NPHP4: variants seen among roughly 807,000 people sequenced by gnomAD.
NPHP4 encodes nephrocystin 4.
A neutral mutation model predicts 155.8 loss-of-function variants in NPHP4; 151 were observed. The observed-to-expected ratio is 0.97, with a 90% CI of 0.85 to 1.11. NPHP4 has a LOEUF of 1.11. Ranked by LOEUF, NPHP4 falls within the 50% of genes least tolerant of loss-of-function variation. The pLI, the probability that NPHP4 is intolerant of heterozygous loss-of-function variation, is 0.00. For missense variants in NPHP4, 1,956 were observed against 1,925.7 expected (o/e 1.02, Z -0.29); for synonymous variants, 845 against 816.8 (o/e 1.03, Z -0.59).
chr1:5,916,580 G>A (rs1179699096), intron 11 of NPHP4, among the ~76,000 whole-genome samples: 1 of 152,222 alleles, frequency 6.6e-6, no homozygotes, highest in African/African-American at 2.4e-5. Context: ...AGATTATGCT[G>A]CTACAGCTCA....
chr1:5,952,928 G>A (rs1046495858), intron 6 of NPHP4, 92 bp from the exon 7 acceptor site: 27 of 1,246,874 alleles, frequency 2.2e-5, no homozygotes, highest in Admixed American at 1.2e-4. Context: ...AGCCTCAGCC[G>A]GGGCCTGCAG....
At chr1:5,873,440 C>T (rs1053848480) in intron 22 of NPHP4, 105 bp from the exon 23 acceptor site, 1 of 847,260 alleles carries the variant, frequency 1.2e-6, no homozygotes. Flanking sequence ...CCACCAGCCT[C>T]CTCTCACACT....
rs146338925 is a variant in NPHP4, at chr1:5,912,754, C to G, written c.1442-3541G>C. Among the ~76,000 whole-genome samples the G allele has an allele frequency of 9.0e-4, 135 of 149,660 alleles. 1 individual carries two copies. In the East Asian group the frequency reaches 0.022, roughly 24 times the overall value. On this transcript the variant is annotated intron_variant, in intron 11 of 29. Transcript: ENST00000378156. ...TCCCTGATGGAGCCTGAAGTAGTAA[C>G]ACAGTCAGCACAGAATGGAAAGCTG...
At chr1:5,973,100 G>T (rs1280438973) in intron 3 of NPHP4, among the ~76,000 whole-genome samples, 2 of 152,184 alleles carry the variant, frequency 1.3e-5, no homozygotes, top group African/African-American at 2.4e-5. Context: ...GGCCAGGCTG[G>T]TCTCAAATTC....
intron 9 of NPHP4, among the ~76,000 whole-genome samples, chr1:5,941,289 C>CAAAAAAAAAAACAAAAA (rs1646800738): frequency 2.2e-5 from 1 of 44,778 alleles, no homozygotes; most frequent in Non-Finnish European, 3.7e-5. Flanking sequence ...GAGATCTAGA[C>CAAAAAAAAAAACAAAAA]AAAAAAAAAA....
chr1:5,864,159 G>T, intron 28 of NPHP4, 126 bp from the exon 29 acceptor site: 1 of 1,176,254 alleles, frequency 8.5e-7, no homozygotes, highest in Non-Finnish European at 1.2e-6. Flanking sequence ...TAAGACAGAC[G>T]CTCTCTGGAG....
chr1:5,907,381 C>A (rs929003182), intron 12 of NPHP4, among the ~76,000 whole-genome samples, 159 bp from the exon 13 acceptor site: 1 of 152,220 alleles, frequency 6.6e-6, no homozygotes, highest in Non-Finnish European at 1.5e-5. Flanking sequence ...AGCTCTGGAA[C>A]CTGGGACCGC....
rs371151779 is a variant in NPHP4, at chr1:5,890,828, C to T, written c.2304+40G>A. ...GAAGCGTGACTCGTCCCATGAGGGA[C>T]GCAGCACCCACTGTGCCTGTCCTTC... On this transcript the variant is annotated intron_variant, in intron 17 of 29. Coordinates refer to ENST00000378156, the MANE Select transcript of NPHP4 (RefSeq NM_015102.5). This position sits in a 1 kb window ranked among gnomAD's most constrained non-coding sequence, Gnocchi z 4.9. The T allele has an allele frequency of 4.1e-5, 65 of 1,581,338 alleles. No individual in the cohort carries two copies. The highest frequency in any genetic ancestry group is 9.1e-5 in the South Asian group (8 of 88,284).
At position 5,864,536 on chromosome 1, in the gene NPHP4, C is replaced by T. The variant is rs1478156615; in HGVS notation, c.3817-19G>A. ...GGTCTGTCTTCAAGAGCGAGAGAGG[C>T]GGGTCAGAGCACAGCCTCTCAGGAT... On this transcript the variant is annotated intron_variant, in intron 27 of 29. Transcript: ENST00000378156. The T allele has an allele frequency of 5.3e-6, 8 of 1,507,976 alleles. No individual in the cohort carries two copies. The highest frequency in any genetic ancestry group is 3.9e-5 in the South Asian group (3 of 77,598). 93.4% of individuals were successfully genotyped at this position (1,507,976 alleles called of 1,614,324 possible).
chr1:5,964,915 TATTATATATATA>T (rs1301876283), intron 5 of NPHP4, among the ~76,000 whole-genome samples: 9 of 87,794 alleles, frequency 1.0e-4, no homozygotes, highest in Non-Finnish European at 1.5e-4. Context: ...AATACATATA[TATTATATATATA>T]TATATATATA....
At chr1:5,929,282 C>A (rs188356857) in intron 10 of NPHP4, among the ~76,000 whole-genome samples, 1 of 152,114 alleles carries the variant, frequency 6.6e-6, no homozygotes, top group Non-Finnish European at 1.5e-5. Flanking sequence ...ATGTGTAGGT[C>A]TTTTGTTTTC....
intron 20 of NPHP4, among the ~76,000 whole-genome samples, chr1:5,875,395 G>A (rs552509591): frequency 2.0e-4 from 30 of 152,278 alleles, no homozygotes; most frequent in Non-Finnish European, 4.0e-4. Flanking sequence ...CTGGCCCCCC[G>A]CACGGTGGAG....
rs369039982 is a variant in NPHP4, at chr1:5,878,849, G to A, written c.2611+1265C>T. Among the ~76,000 whole-genome samples, 114 of 152,236 alleles carry A rather than the reference G, an allele frequency of 7.5e-4. 4 individuals are homozygous for A. In the South Asian group the frequency reaches 0.022, roughly 29 times the overall value. On this transcript the variant is annotated intron_variant, in intron 19 of 29. Transcript: ENST00000378156. The stretch of plus-strand genomic sequence containing the variant: ...CTCTCTAAGGAGCTGGCTCTCCACC[G>A]TACTCTAGGTGGTCTGTGGGACCAG...
chr1:5,978,894 T>G (rs72859167), intron 2 of NPHP4, among the ~76,000 whole-genome samples: 2 of 152,218 alleles, frequency 1.3e-5, no homozygotes, highest in Non-Finnish European at 2.9e-5. Context: ...TCCAACCAAA[T>G]GAGCCCTTCC....
chr1:5,895,181 G>T (rs375264036), intron 16 of NPHP4, among the ~76,000 whole-genome samples: 1 of 151,874 alleles, frequency 6.6e-6, no homozygotes, highest in South Asian at 2.1e-4. Flanking sequence ...GGGGCCTGTC[G>T]TGGGGTGGGG....
chr1:5,974,838 G>C (rs562795509), intron 3 of NPHP4, among the ~76,000 whole-genome samples: 88 of 152,276 alleles, frequency 5.8e-4, no homozygotes, highest in African/African-American at 2.0e-3. Flanking sequence ...TGAGCATGCA[G>C]GGTCCATGCG....
intron 23 of NPHP4, among the ~76,000 whole-genome samples, chr1:5,872,406 T>G (rs1299690624): frequency 2.6e-5 from 4 of 152,204 alleles, no homozygotes; most frequent in African/African-American, 9.6e-5. Context: ...TCCCAACGGT[T>G]TTGGCAACAG....
At chr1:5,916,002 G>T (rs1308045430) in intron 11 of NPHP4, among the ~76,000 whole-genome samples, 1 of 152,126 alleles carries the variant, frequency 6.6e-6, no homozygotes, top group Non-Finnish European at 1.5e-5. Context: ...CTAACTCCAC[G>T]TGTCCTGGGA....
intron 3 of NPHP4, among the ~76,000 whole-genome samples, chr1:5,971,320 A>G (rs542491176): frequency 1.3e-5 from 2 of 152,344 alleles, no homozygotes; most frequent in South Asian, 4.1e-4. Flanking sequence ...CTTAGAATCT[A>G]AAGAATCCAT....
Sources: allele counts gnomAD v4.1 joint callset (sites outside exome capture counted in the v4.1 genomes callset), GRCh38; gene constraint gnomAD v4.1.1; non-coding constraint Gnocchi (gnomAD v3.1); transcripts MANE v1.5; gene names NCBI Gene and HGNC (gene_info 2026-07-23, HGNC 2026-07-21).